Variants in ZNF69 observed in about 807,000 individuals in gnomAD.
The protein encoded by ZNF69 is zinc finger protein 69, also known as ZNF3.
In ZNF69, 47 loss-of-function variants were observed where a neutral mutation model predicts 50.9. The ratio of observed to expected loss-of-function variants is 0.92; its 90% CI spans 0.73 to 1.18. ZNF69 has a LOEUF of 1.18. Ranked by LOEUF, ZNF69 falls within the 50% of genes most tolerant of loss-of-function variation. The pLI is 0.00. For missense variants in ZNF69, 717 were observed against 675.1 expected (o/e 1.06, Z -0.69); for synonymous variants, 216 against 223.1 (o/e 0.97, Z 0.29).
At chr19:11,957,420 G>A in the ZNF69 span, among the ~76,000 whole-genome samples, 2 of 151,722 alleles carry the variant, frequency 1.3e-5, no homozygotes, top group Admixed American at 6.6e-5. Flanking sequence ...TTACCTTAAT[G>A]ACCCTGAAAT....
At chr19:11,949,410 A>G in the ZNF69 span, 1 of 1,613,666 alleles carries the variant, frequency 6.2e-7, no homozygotes, top group South Asian at 1.1e-5. Context: ...CACACCTTCG[A>G]GTGCATGGTA....
chr19:11,950,322 C>A, the ZNF69 span: 1 of 1,468,782 alleles, frequency 6.8e-7, no homozygotes, highest in South Asian at 1.2e-5. Flanking sequence ...AGCAATGTGG[C>A]AAAACTTTCA....
chr19:11,978,151 A>G, the ZNF69 span: 1 of 1,613,644 alleles, frequency 6.2e-7, no homozygotes, highest in Non-Finnish European at 8.5e-7. Context: ...GAAATTAAAG[A>G]AGACAGTCAT....
At chr19:11,976,850 A>G in the ZNF69 span, 4 of 1,434,584 alleles carry the variant, frequency 2.8e-6, no homozygotes, top group Non-Finnish European at 3.6e-6. Flanking sequence ...TGTTGTTTTG[A>G]AAATCCATCT....
rs1972291280 is a variant in ZNF69 at position 11,903,492 on chromosome 19, G to A, written c.64-81G>A. ...TGACCCTTGGAGTCCACGGCATCCTGAGAACTTCTTGAGAATAGAGTCTAG... is the reference window on the plus strand; with the variant it reads ...TGACCCTTGGAGTCCACGGCATCCTAAGAACTTCTTGAGAATAGAGTCTAG... On this transcript the variant is annotated intron_variant, in intron 1 of 3. Transcript: ENST00000429654. 4 of 1,581,514 alleles carry A rather than the reference G, an allele frequency of 2.5e-6. No individual in the cohort carries two copies. The African/African-American group carries it at 4.1e-5, about 16-fold the overall frequency.
At chr19:11,963,518 T>C in the ZNF69 span, among the ~76,000 whole-genome samples, 1 of 152,126 alleles carries the variant, frequency 6.6e-6, no homozygotes, top group African/African-American at 2.4e-5. Context: ...CACTTTTCTT[T>C]CCATAAGGGG....
At position 11,905,718 on chromosome 19, in the gene ZNF69, G is replaced by A; in HGVS notation, c.1321G>A (p.Glu441Lys). The change falls in exon 4 of 4, where the codon GAG becomes AAG. Residue 441 changes from glutamate (E) to lysine (K), a missense_variant. Glu to Lys is a moderately conservative substitution (Grantham distance 56, BLOSUM62 1). Coordinates refer to ENST00000429654, the MANE Select transcript of ZNF69 (RefSeq NM_001364730.1). ...LQLHGRTHTG[E>K]KPYECQECGK... ...ATTGCATGGTAGGACTCACACTGGA[G>A]AGAAGCCCTATGAATGTCAGGAATG... is the stretch of plus-strand genomic sequence containing the variant. The A allele has an allele frequency of 6.2e-7, 1 of 1,613,962 alleles. No individual in the cohort carries two copies. Among genetic ancestry groups the A allele is most frequent in the Non-Finnish European group, 8.5e-7 (1 of 1,180,010 alleles).
chr19:11,941,352 G>A, the ZNF69 span, among the ~76,000 whole-genome samples: 2 of 152,232 alleles, frequency 1.3e-5, no homozygotes, highest in South Asian at 2.1e-4. Context: ...AGGGGGCGGC[G>A]CTCATCGGGG....
chr19:11,893,026 G>A (rs1490489104), intron 1 of ZNF69, among the ~76,000 whole-genome samples: 1 of 152,060 alleles, frequency 6.6e-6, no homozygotes, highest in South Asian at 2.1e-4. Flanking sequence ...GTAAACACGG[G>A]GTTTTACCAC....
At chr19:11,912,738 C>T (rs557564641) in intron 4 of ZNF69, among the ~76,000 whole-genome samples, 1 of 151,932 alleles carries the variant, frequency 6.6e-6, no homozygotes, top group African/African-American at 2.4e-5. Flanking sequence ...CAGCCTCACA[C>T]CTTCAAATGT....
At chr19:11,949,421 G>C in the ZNF69 span, 4 of 1,613,566 alleles carry the variant, frequency 2.5e-6, no homozygotes, top group Non-Finnish European at 3.4e-6. Flanking sequence ...GTGCATGGTA[G>C]GACTCATACT....
chr19:11,935,910 G>T, the ZNF69 span, among the ~76,000 whole-genome samples: 1 of 152,066 alleles, frequency 6.6e-6, no homozygotes, highest in East Asian at 1.9e-4. Context: ...CCCTGTGTCC[G>T]AGTGGTCTCA....
At chr19:11,963,485 T>C in the ZNF69 span, among the ~76,000 whole-genome samples, 945 of 152,270 alleles carry the variant, frequency 6.2e-3, 7 homozygotes, top group African/African-American at 0.022. Flanking sequence ...TTTGACCCCA[T>C]TTTGCAGCAG....
chr19:11,922,605 G>A, the ZNF69 span, among the ~76,000 whole-genome samples: 1 of 152,114 alleles, frequency 6.6e-6, no homozygotes, highest in African/African-American at 2.4e-5. Context: ...CCTCCCTGAT[G>A]AATTTGATAA....
chr19:11,966,035 T>C, the ZNF69 span, among the ~76,000 whole-genome samples: 1 of 152,194 alleles, frequency 6.6e-6, no homozygotes, highest in Non-Finnish European at 1.5e-5. Context: ...GAAGGGGGTC[T>C]GTTATCTGCC....
At chr19:11,888,568 T>A (rs529431388) in intron 1 of ZNF69, among the ~76,000 whole-genome samples, 1 of 152,224 alleles carries the variant, frequency 6.6e-6, no homozygotes, top group Non-Finnish European at 1.5e-5. Context: ...GAGTAAGTGG[T>A]CCCGAGGCGG....
downstream of ZNF69, among the ~76,000 whole-genome samples, chr19:11,919,057 G>A (rs921198305): frequency 3.3e-5 from 5 of 151,760 alleles, no homozygotes; most frequent in East Asian, 1.9e-4. Context: ...CACCACGCCC[G>A]GCTAATTTTT....
chr19:11,933,116 C>T, the ZNF69 span, among the ~76,000 whole-genome samples: 2 of 147,796 alleles, frequency 1.4e-5, no homozygotes, highest in Non-Finnish European at 2.9e-5. Context: ...ATAGTTCCCC[C>T]TATTTTAAAC....
the ZNF69 span, chr19:11,949,040 A>G: frequency 6.2e-7 from 1 of 1,608,066 alleles, no homozygotes; most frequent in Non-Finnish European, 8.5e-7. Flanking sequence ...TGTAAGCAAT[A>G]TGGGGAAGGC....
Sources: allele counts gnomAD v4.1 joint callset (sites outside exome capture counted in the v4.1 genomes callset), GRCh38; gene constraint gnomAD v4.1.1; transcripts MANE v1.5; gene names NCBI Gene and HGNC (gene_info 2026-07-23, HGNC 2026-07-21).